The following CSMD1 variants were observed in gnomAD, a reference collection of about 807,000 sequenced individuals.
The protein encoded by CSMD1 is CUB and Sushi multiple domains 1.
CSMD1 carries 213 observed loss-of-function variants against 417.5 expected under a neutral mutation model. The observed-to-expected ratio is 0.51, with a 90% CI of 0.46 to 0.57. The LOEUF is 0.57. Ranked by LOEUF, CSMD1 falls within the 20% of genes least tolerant of loss-of-function variation. CSMD1 has a pLI of 0.00. For missense variants in CSMD1, 6,923 were observed against 4,529.7 expected (o/e 1.53, Z -15.17); for synonymous variants, 2,862 against 1,736.8 (o/e 1.65, Z -16.11).
At chr8:4,413,751 C>G (rs1796777710) in intron 3 of CSMD1, among the ~76,000 whole-genome samples, 1 of 151,896 alleles carries the variant, frequency 6.6e-6, no homozygotes, top group African/African-American at 2.4e-5. Context: ...GTTCAAAACC[C>G]CTGCAAATGG....
intron 3 of CSMD1, among the ~76,000 whole-genome samples, chr8:4,099,456 G>C (rs889501106): frequency 6.6e-6 from 1 of 151,970 alleles, no homozygotes; most frequent in Non-Finnish European, 1.5e-5. Flanking sequence ...CCATTCCTAA[G>C]CCTCCAACAA....
chr8:4,840,078 C>T (rs1460331811), intron 1 of CSMD1, among the ~76,000 whole-genome samples: 4 of 99,286 alleles, frequency 4.0e-5, no homozygotes, highest in Admixed American at 2.2e-4. Flanking sequence ...CATCCATAGG[C>T]TTGGGAAGAG....
chr8:3,556,415 T>TATATATATATACATACATA lies in CSMD1; in HGVS notation c.1344+18529_1344+18530insTATGTATGTATATATATAT, dbSNP rs1799148435. Among the ~76,000 whole-genome samples, 149 of 57,106 alleles carry TATATATATATACATACATA rather than the reference T, an allele frequency of 2.6e-3. 4 individuals carry two copies. The highest frequency in any genetic ancestry group is 9.0e-3 in the African/African-American group (145 of 16,086). 37.5% of individuals were successfully genotyped at this position (57,106 alleles called of 152,430 possible). On this transcript the variant is annotated intron_variant, in intron 10 of 69. Transcript: ENST00000635120. ...TTAATATATATATATATATATATATTCACACACACAAAGAATTTATGAGGG... is the reference window on the plus strand; with the variant it reads ...TTAATATATATATATATATATATATTATATATATATACATACATACACACACACAAAGAATTTATGAGGG...
intron 7 of CSMD1, among the ~76,000 whole-genome samples, chr8:3,655,616 C>T (rs1798061645): frequency 1.3e-5 from 2 of 151,302 alleles, no homozygotes; most frequent in African/African-American, 2.4e-5. Context: ...TCAGGCAGGG[C>T]TGCAAGCCAG....
chr8:4,644,968 G>A (rs919203554), intron 1 of CSMD1, among the ~76,000 whole-genome samples: 2 of 152,308 alleles, frequency 1.3e-5, no homozygotes, highest in African/African-American at 4.8e-5. Flanking sequence ...CACTCATAGG[G>A]AAGCAGGGAA....
At chr8:4,736,918 T>C (rs1228641895) in intron 1 of CSMD1, among the ~76,000 whole-genome samples, 1 of 152,198 alleles carries the variant, frequency 6.6e-6, no homozygotes, top group African/African-American at 2.4e-5. Flanking sequence ...TCATCCTCTT[T>C]GTAATAATTC....
intron 68 of CSMD1, among the ~76,000 whole-genome samples, chr8:2,944,132 C>G (rs536410677): frequency 2.0e-5 from 3 of 152,040 alleles, no homozygotes; most frequent in Non-Finnish European, 4.4e-5. Context: ...AGATCTGCCC[C>G]ACCATCACGC....
intron 3 of CSMD1, among the ~76,000 whole-genome samples, chr8:4,178,939 A>G (rs1798202998): frequency 6.6e-6 from 1 of 152,172 alleles, no homozygotes; most frequent in Non-Finnish European, 1.5e-5. Context: ...GATACAAACA[A>G]ATGGAAGAAC....
chr8:4,549,634 A>G (rs1797777590), intron 2 of CSMD1, among the ~76,000 whole-genome samples: 3 of 152,194 alleles, frequency 2.0e-5, no homozygotes, highest in South Asian at 4.1e-4. Context: ...CACACCGGTA[A>G]TCCCAGCACC....
intron 12 of CSMD1, among the ~76,000 whole-genome samples, chr8:3,447,880 A>G (rs994999378): frequency 1.3e-5 from 2 of 152,114 alleles, no homozygotes; most frequent in Non-Finnish European, 2.9e-5. Flanking sequence ...CCTCAAGGCC[A>G]TGAACTGTAA....
At chr8:4,771,813 T>C in intron 1 of CSMD1, among the ~76,000 whole-genome samples, 1 of 152,204 alleles carries the variant, frequency 6.6e-6, no homozygotes, top group East Asian at 1.9e-4. Context: ...AGTTTGTTTT[T>C]ATTTCCATCA....
At chr8:4,421,750 C>T (rs1797257998) in intron 2 of CSMD1, among the ~76,000 whole-genome samples, 1 of 151,592 alleles carries the variant, frequency 6.6e-6, no homozygotes, top group South Asian at 2.1e-4. Flanking sequence ...ATCCCTAATC[C>T]AAATTCTTAT....
chr8:3,585,086 G>A (rs1022847962), intron 9 of CSMD1, among the ~76,000 whole-genome samples: 1 of 152,048 alleles, frequency 6.6e-6, no homozygotes, highest in Non-Finnish European at 1.5e-5. Context: ...CCTTCCGGTG[G>A]GGCGGGTCCT....
At chr8:4,042,815 T>TTAAAAAAAAAAAAAAA (rs1487345501) in intron 3 of CSMD1, among the ~76,000 whole-genome samples, 14 of 41,312 alleles carry the variant, frequency 3.4e-4, no homozygotes, top group Admixed American at 3.6e-4. Flanking sequence ...TACAACATAT[T>TTAAAAAAAAAAAAAAA]AAAAAAAAAA....
At chr8:4,786,540 G>C (rs548726989) in intron 1 of CSMD1, among the ~76,000 whole-genome samples, 1 of 152,262 alleles carries the variant, frequency 6.6e-6, no homozygotes, top group East Asian at 1.9e-4. Context: ...TCTGCTTTTA[G>C]ACAAGATGCT....
In CSMD1 at chr8:3,359,137, C is replaced by T. The variant is rs373161375; in HGVS notation, c.3304+15G>A. The T allele has an allele frequency of 3.8e-5, 61 of 1,612,618 alleles. No individual in the cohort carries two copies. Among genetic ancestry groups the T allele is most frequent in the East Asian group, 3.6e-4 (16 of 44,828 alleles). On this transcript the variant is annotated intron_variant, in intron 21 of 69. Coordinates refer to ENST00000635120, the MANE Select transcript of CSMD1 (RefSeq NM_033225.6). Reference sequence around the variant, plus strand: ...CCCCCATGGATGAATGAAATGAAAGCGTGTGACCACCTACCCACACACCTT... The same window carrying T: ...CCCCCATGGATGAATGAAATGAAAGTGTGTGACCACCTACCCACACACCTT...
chr8:3,407,454 T>C (rs1418101748), intron 14 of CSMD1, among the ~76,000 whole-genome samples: 3 of 150,658 alleles, frequency 2.0e-5, no homozygotes, highest in African/African-American at 7.3e-5. Context: ...GATGGAAAGA[T>C]GGATGGAAGA....
chr8:4,398,034 A>C (rs1255168936), intron 3 of CSMD1, among the ~76,000 whole-genome samples: 1 of 152,198 alleles, frequency 6.6e-6, no homozygotes, highest in Admixed American at 6.5e-5. Context: ...TCAATTTCTA[A>C]CTTGGTATCT....
At chr8:3,268,658 C>T (rs1040218572) in intron 26 of CSMD1, among the ~76,000 whole-genome samples, 1 of 152,068 alleles carries the variant, frequency 6.6e-6, no homozygotes, top group Non-Finnish European at 1.5e-5. Flanking sequence ...CAATTTATTT[C>T]CGAATAACAT....
Sources: gnomAD v4.1 joint callset for allele counts (sites outside exome capture counted in the v4.1 genomes callset) on GRCh38, gnomAD v4.1.1 for gene constraint, MANE v1.5 for transcripts, NCBI Gene and HGNC (gene_info 2026-07-23, HGNC 2026-07-21) for gene names.